Variants in TMPRSS15 observed in about 807,000 individuals in gnomAD.
TMPRSS15 encodes enteropeptidase.
In TMPRSS15, 128 loss-of-function variants were observed where a neutral mutation model predicts 125.3. The ratio of observed to expected loss-of-function variants is 1.02; its 90% CI spans 0.89 to 1.18. The LOEUF is 1.18. TMPRSS15 is among the 50% of genes most tolerant of loss of function. The pLI, the probability that TMPRSS15 is intolerant of heterozygous loss-of-function variation, is 0.00. For synonymous variants in TMPRSS15, 446 were observed against 423.2 expected (o/e 1.05, Z -0.66); for missense variants, 1,283 against 1,212.7 (o/e 1.06, Z -0.86).
chr21:18,270,221 A>AATT (rs1254192289), intron 24 of TMPRSS15, 97 bp from the exon 25 acceptor site: 9 of 1,083,300 alleles, frequency 8.3e-6, no homozygotes, highest in Non-Finnish European at 1.2e-5. Flanking sequence ...AATAAAAATT[A>AATT]ATTAAAAAAT....
chr21:18,293,984 T>C (rs1404658053), intron 21 of TMPRSS15, among the ~76,000 whole-genome samples: 2 of 152,212 alleles, frequency 1.3e-5, no homozygotes, highest in African/African-American at 2.4e-5. Context: ...ACCTTTTGAA[T>C]TGGCAAAAGT....
intron 1 of TMPRSS15, among the ~76,000 whole-genome samples, chr21:18,470,166 T>G (rs1017969027): frequency 6.6e-6 from 1 of 152,110 alleles, no homozygotes; most frequent in Admixed American, 6.6e-5. Flanking sequence ...TCTCTTTTAA[T>G]GAAGGTGTTA....
rs78465810 is a variant in TMPRSS15, at chr21:18,415,751, T to C, written c.11-17422A>G. 1.5e-3 allele frequency among the ~76,000 whole-genome samples: 225 copies of C among 152,186 alleles called. 5 individuals are homozygous for C. The East Asian group carries it at 0.036, about 24-fold the overall frequency. On this transcript the variant is annotated intron_variant, in intron 1 of 7. Coordinates refer to the TMPRSS15 transcript ENST00000422787. Reference sequence around the variant, plus strand: ...TAGTACCATACTGTTTTAATTACTATGGTTTCTACCACTTCTATTCTGTAA... The same window carrying C: ...TAGTACCATACTGTTTTAATTACTACGGTTTCTACCACTTCTATTCTGTAA...
chr21:18,446,626 G>A (rs753522822), intron 1 of TMPRSS15, among the ~76,000 whole-genome samples: 20 of 151,878 alleles, frequency 1.3e-4, no homozygotes, highest in Admixed American at 1.1e-3. Context: ...AACAGAATAC[G>A]GAACCCCAAA....
chr21:18,334,016 ATTAT>A (rs997327046), intron 13 of TMPRSS15, among the ~76,000 whole-genome samples: 1 of 152,210 alleles, frequency 6.6e-6, no homozygotes, highest in Non-Finnish European at 1.5e-5. Flanking sequence ...TAATACTGAG[ATTAT>A]TTACCCCCAA....
chr21:18,291,727 A>G (rs1467261554), intron 21 of TMPRSS15, among the ~76,000 whole-genome samples: 1 of 146,376 alleles, frequency 6.8e-6, no homozygotes, highest in Non-Finnish European at 1.5e-5. Context: ...TGAAGTAGAA[A>G]GCAAGAAAAC....
intron 1 of TMPRSS15, among the ~76,000 whole-genome samples, chr21:18,445,173 A>T (rs139750441): frequency 1.2e-3 from 178 of 150,810 alleles, no homozygotes; most frequent in African/African-American, 4.2e-3. Flanking sequence ...TACCCCATTT[A>T]AAAAAATCCA....
At chr21:18,284,154 G>GT (rs1258487503) in intron 21 of TMPRSS15, among the ~76,000 whole-genome samples, 3 of 152,172 alleles carry the variant, frequency 2.0e-5, no homozygotes, top group African/African-American at 7.2e-5. Flanking sequence ...CCGCCGCCAT[G>GT]TATCATTTAC....
rs2075233652 is a variant in TMPRSS15, at chr21:18,321,386, T to C, written c.1921+5046A>G. On this transcript the variant is annotated intron_variant, in intron 16 of 24. Transcript: ENST00000284885. ...TTTTTTTTTTGAGACGGAGTCTCAC[T>C]CTGTCGCCCAGGCTGGAGTGCTGTG... Among the ~76,000 whole-genome samples, 6 of 118,368 alleles carry C rather than the reference T, an allele frequency of 5.1e-5. No individual in the cohort carries two copies. The Admixed American group carries it at 6.9e-4, about 14-fold the overall frequency. 77.7% of individuals were successfully genotyped at this position (118,368 alleles called of 152,430 possible). A position where few individuals can be genotyped will look rare whatever the true frequency, so the allele number is the denominator to read the frequency against.
Position 18,372,282 on chromosome 21 carries a change from G to A in TMPRSS15, c.575C>T (p.Thr192Ile). The change falls in exon 6 of 25, where the codon ACT becomes ATT. Residue 192 changes from threonine (T) to isoleucine (I), a missense_variant. By Grantham distance (89) the Thr-to-Ile change is moderately conservative. Transcript: ENST00000284885. ...AGCTTTTATACACGTTAGAGCATCA[G>A]TACAAGGACTTGAACCAGGCAGGCA... is the stretch of plus-strand genomic sequence containing the variant. ...IECLPGSSPC[T>I]DALTCIKADL... The A allele has an allele frequency of 1.2e-6, 2 of 1,613,356 alleles. No homozygotes were observed. The highest frequency in any genetic ancestry group is 4.5e-5 in the East Asian group (2 of 44,794).
chr21:18,425,580 C>CA (rs2076200967), intron 1 of TMPRSS15, among the ~76,000 whole-genome samples: 1 of 152,120 alleles, frequency 6.6e-6, no homozygotes, highest in Non-Finnish European at 1.5e-5. Flanking sequence ...GATGGTCTTA[C>CA]ATGATATGTG....
At chr21:18,347,290 G>A (rs2075519116) in intron 10 of TMPRSS15, among the ~76,000 whole-genome samples, 1 of 152,058 alleles carries the variant, frequency 6.6e-6, no homozygotes, top group Admixed American at 6.5e-5. Context: ...AGGCTGGAGT[G>A]CGGTAGCCAA....
chr21:18,354,071 T>C (rs1466359985), intron 8 of TMPRSS15, among the ~76,000 whole-genome samples: 1 of 151,818 alleles, frequency 6.6e-6, no homozygotes, highest in African/African-American at 2.4e-5. Flanking sequence ...CCTCAAATTA[T>C]TATACATATT....
chr21:18,481,338 A>C (rs1345996184), intron 1 of TMPRSS15, among the ~76,000 whole-genome samples: 1 of 151,642 alleles, frequency 6.6e-6, no homozygotes, highest in Non-Finnish European at 1.5e-5. Context: ...GTATGCAAAG[A>C]CTCCAACCCA....
At chr21:18,305,984 C>T (rs548663819) in intron 18 of TMPRSS15, among the ~76,000 whole-genome samples, 55 of 152,240 alleles carry the variant, frequency 3.6e-4, no homozygotes, top group Middle Eastern at 6.8e-3. Context: ...TCTCACCCAC[C>T]CCACCACAGT....
At chr21:18,354,624 G>A (rs993572926) in intron 8 of TMPRSS15, among the ~76,000 whole-genome samples, 3 of 151,666 alleles carry the variant, frequency 2.0e-5, no homozygotes, top group East Asian at 1.9e-4. Context: ...ATTTTTAAAT[G>A]TGTAAAGCTC....
intron 3 of TMPRSS15, among the ~76,000 whole-genome samples, chr21:18,394,919 A>T (rs1249671697): frequency 6.6e-6 from 1 of 152,200 alleles, no homozygotes; most frequent in East Asian, 1.9e-4. Flanking sequence ...TTGTCAATTC[A>T]TAGAAGAGTA....
At chr21:18,418,237 G>C (rs1198177902) in intron 1 of TMPRSS15, among the ~76,000 whole-genome samples, 1 of 152,202 alleles carries the variant, frequency 6.6e-6, no homozygotes, top group Non-Finnish European at 1.5e-5. Flanking sequence ...AAAATACAGT[G>C]TCTAAGGGAT....
intron 1 of TMPRSS15, among the ~76,000 whole-genome samples, chr21:18,444,075 G>A (rs2076249484): frequency 6.6e-6 from 1 of 152,076 alleles, no homozygotes; most frequent in Non-Finnish European, 1.5e-5. Flanking sequence ...TCCACTCACA[G>A]CACACTCCCC....
Sources: allele counts gnomAD v4.1 joint callset (sites outside exome capture counted in the v4.1 genomes callset), GRCh38; gene constraint gnomAD v4.1.1; transcripts MANE v1.5; gene names NCBI Gene and HGNC (gene_info 2026-07-23, HGNC 2026-07-21).